STK38L: variants seen among roughly 807,000 people sequenced by gnomAD.
STK38L encodes the protein serine/threonine-protein kinase 38-like.
In STK38L, 28 loss-of-function variants were observed where a neutral mutation model predicts 59.7. The ratio of observed to expected loss-of-function variants is 0.47; its 90% CI spans 0.35 to 0.64. The LOEUF is 0.64. Among genes scored for constraint, STK38L ranks in the 30% least tolerant of loss-of-function variants. The pLI is 0.01. For synonymous variants in STK38L, 162 were observed against 176.8 expected (o/e 0.92, Z 0.66); for missense variants, 314 against 555.8 (o/e 0.56, Z 4.37).
intron 1 of STK38L, among the ~76,000 whole-genome samples, chr12:27,287,134 C>CT (rs1199004067): frequency 2.1e-5 from 3 of 145,418 alleles, no homozygotes; most frequent in Non-Finnish European, 4.5e-5. Context: ...GAGTTTCACT[C>CT]TGTCGCCCAG....
In STK38L at chr12:27,322,506, C is replaced by G. The variant is rs1190752001; in HGVS notation, c.*51C>G. Reference sequence around the variant, plus strand: ...AAGAGAACTCAGGTAGCTGCATCACCAGGCTTGCTTGGCGTAGATAACAAT... The same window carrying G: ...AAGAGAACTCAGGTAGCTGCATCACGAGGCTTGCTTGGCGTAGATAACAAT... On this transcript the variant is annotated 3_prime_UTR_variant, in exon 14 of 14. Transcript: ENST00000389032. 6.3e-7 allele frequency: 1 copy of G among 1,592,614 alleles called. No homozygotes were observed. Among genetic ancestry groups the G allele is most frequent in the Non-Finnish European group, 8.5e-7 (1 of 1,172,768 alleles).
At chr12:27,320,922 C>CT (rs1267145029) in intron 12 of STK38L, among the ~76,000 whole-genome samples, 27 of 151,940 alleles carry the variant, frequency 1.8e-4, no homozygotes, top group African/African-American at 6.5e-4. Context: ...AACCACTATG[C>CT]TGTATAATAC....
intron 1 of STK38L, among the ~76,000 whole-genome samples, chr12:27,290,113 T>C (rs1380742045): frequency 2.6e-5 from 4 of 152,224 alleles, no homozygotes; most frequent in African/African-American, 9.7e-5. Flanking sequence ...TTTACTGATT[T>C]ATTGATTTAT....
At chr12:27,262,482 A>G (rs1465466977) in intron 1 of STK38L, among the ~76,000 whole-genome samples, 1 of 152,164 alleles carries the variant, frequency 6.6e-6, no homozygotes, top group African/African-American at 2.4e-5. Context: ...TACATTTTCC[A>G]TGGCAGAAAA....
intron 1 of STK38L, among the ~76,000 whole-genome samples, chr12:27,267,414 C>T (rs568728666): frequency 2.8e-3 from 423 of 152,296 alleles, no homozygotes; most frequent in South Asian, 7.0e-3. Context: ...GACCTCATCT[C>T]TAACAACAAC....
intron 1 of STK38L, among the ~76,000 whole-genome samples, chr12:27,246,251 A>G (rs945081056): frequency 6.6e-6 from 1 of 152,182 alleles, no homozygotes; most frequent in Admixed American, 6.5e-5. Context: ...TAAGGAGAGC[A>G]TCATTGTGTT....
In STK38L at chr12:27,312,454, T is replaced by C. The variant is rs1397894349; in HGVS notation, c.394-95T>C. On this transcript the variant is annotated intron_variant, in intron 5 of 13. Transcript: ENST00000389032. ...AAATCTTCTGAAACTCCATCTTTCCTTCATTAACTGTTATGGATGGATAAG... is the reference window on the plus strand; with the variant it reads ...AAATCTTCTGAAACTCCATCTTTCCCTCATTAACTGTTATGGATGGATAAG... 3 of 1,342,698 alleles carry C rather than the reference T, an allele frequency of 2.2e-6. No homozygotes were observed. In the East Asian group the frequency reaches 7.1e-5, roughly 32 times the overall value. 83.2% of individuals were successfully genotyped at this position (1,342,698 alleles called of 1,614,324 possible).
chr12:27,273,906 T>C (rs1238341715), intron 1 of STK38L, among the ~76,000 whole-genome samples: 1 of 152,178 alleles, frequency 6.6e-6, no homozygotes, highest in African/African-American at 2.4e-5. Context: ...TAAGTACGTG[T>C]GGTTTGTGGC....
At chr12:27,270,038 A>G (rs1433356322) in intron 1 of STK38L, among the ~76,000 whole-genome samples, 5 of 152,086 alleles carry the variant, frequency 3.3e-5, no homozygotes, top group African/African-American at 7.2e-5. Flanking sequence ...AACTGCTACA[A>G]TTTTATTTTC....
intron 1 of STK38L, among the ~76,000 whole-genome samples, chr12:27,283,754 CT>C (rs1233631909): frequency 1.3e-5 from 2 of 152,068 alleles, no homozygotes. Flanking sequence ...TTTTAGAAAT[CT>C]TTTTTCCCCT....
chr12:27,313,877 G>C (rs376468212), intron 6 of STK38L, among the ~76,000 whole-genome samples: 1 of 151,910 alleles, frequency 6.6e-6, no homozygotes, highest in Non-Finnish European at 1.5e-5. Flanking sequence ...AATATATTTC[G>C]TTTCCAGGTG....
intron 1 of STK38L, among the ~76,000 whole-genome samples, chr12:27,264,944 C>G (rs1943272770): frequency 6.6e-6 from 1 of 152,114 alleles, no homozygotes; most frequent in Non-Finnish European, 1.5e-5. Context: ...GTATGCTACT[C>G]TTTTTGAGTA....
intron 1 of STK38L, among the ~76,000 whole-genome samples, chr12:27,251,512 C>T (rs1209134811): frequency 5.3e-5 from 8 of 152,148 alleles, no homozygotes; most frequent in Admixed American, 3.3e-4. Context: ...TTAGGTCTTT[C>T]GACTCTAATA....
intron 1 of STK38L, among the ~76,000 whole-genome samples, chr12:27,254,309 C>G (rs1051635908): frequency 1.1e-4 from 17 of 152,144 alleles, no homozygotes; most frequent in Non-Finnish European, 2.9e-5. Context: ...TTCTTTTCTC[C>G]TCTCTACTCT....
In STK38L at chr12:27,312,590, A is replaced by G. The variant is rs750427518; in HGVS notation, c.435A>G (p.Ala145=). 6 of 1,614,144 alleles carry G rather than the reference A, an allele frequency of 3.7e-6. No individual in the cohort carries two copies. In the South Asian group the frequency reaches 5.5e-5, roughly 15 times the overall value. The change falls in exon 6 of 14, where the codon GCA becomes GCG. Residue 145 remains alanine, a synonymous_variant. Transcript: ENST00000389032. ...IRAERDILVE[A]DGAWVVKMFY... ...CAGAAAGAGATATTTTGGTAGAAGC[A>G]GATGGTGCCTGGGTGGTGAAGATGT...
chr12:27,249,617 C>A (rs928637832), intron 1 of STK38L, among the ~76,000 whole-genome samples: 2 of 152,276 alleles, frequency 1.3e-5, no homozygotes, highest in South Asian at 4.1e-4. Flanking sequence ...GGATTACAGG[C>A]GTGAGCCACT....
chr12:27,310,496 GCCAGCC>G (rs1287803556), intron 5 of STK38L, among the ~76,000 whole-genome samples: 3 of 152,078 alleles, frequency 2.0e-5, no homozygotes, highest in Non-Finnish European at 4.4e-5. Flanking sequence ...GTAGATACCA[GCCAGCC>G]ACATGTGGCT....
intron 1 of STK38L, among the ~76,000 whole-genome samples, chr12:27,271,762 C>T (rs1468752514): frequency 6.6e-6 from 1 of 152,166 alleles, no homozygotes; most frequent in Non-Finnish European, 1.5e-5. Context: ...TGCAGTGGCA[C>T]GATCTCGTCT....
chr12:27,267,626 T>G (rs1299553200), intron 1 of STK38L, among the ~76,000 whole-genome samples: 2 of 152,216 alleles, frequency 1.3e-5, no homozygotes, highest in African/African-American at 4.8e-5. Flanking sequence ...GCTTGGTCAT[T>G]GGGCATGTGT....
Sources: allele counts gnomAD v4.1 joint callset (sites outside exome capture counted in the v4.1 genomes callset), GRCh38; gene constraint gnomAD v4.1.1; transcripts MANE v1.5; gene names NCBI Gene and HGNC (gene_info 2026-07-23, HGNC 2026-07-21).